Variants in TTF2 observed in about 807,000 individuals in gnomAD.
The protein encoded by TTF2 is RNA polymerase II termination factor.
In TTF2, 108 loss-of-function variants were observed where a neutral mutation model predicts 142.4. That is an observed-to-expected ratio of 0.76 (90% CI 0.65 to 0.89). The LOEUF is 0.89. Among genes scored for constraint, TTF2 ranks in the 40% least tolerant of loss-of-function variants. The pLI, the probability that TTF2 is intolerant of heterozygous loss-of-function variation, is 0.00. For missense variants in TTF2, 1,327 were observed against 1,379.8 expected (o/e 0.96, Z 0.61); for synonymous variants, 483 against 506.2 (o/e 0.95, Z 0.61).
At chr1:117,066,611 C>T (rs563793435) in intron 3 of TTF2, among the ~76,000 whole-genome samples, 4 of 150,544 alleles carry the variant, frequency 2.7e-5, no homozygotes, top group South Asian at 2.1e-4. Flanking sequence ...AATGTGTTTA[C>T]GTTAAGCAGG....
In TTF2 at chr1:117,095,344, A is replaced by C; in HGVS notation, c.3012A>C (p.Gln1004His). 6.2e-7 allele frequency: 1 copy of C among 1,614,164 alleles called. No homozygotes were observed. The change falls in exon 19 of 23, where the codon CAA becomes CAC. Residue 1004 changes from glutamine (Q) to histidine (H), a missense_variant. Physicochemically the swap from Gln to His is conservative, Grantham distance 24. Transcript: ENST00000369466. ...TGTTGGCAGAATTGGAGGCAATTCA[A>C]AGAAATTCAGCATCCCAAAAGAGGT... ...SSLLAELEAIQRNSASQKSVI... is the reference protein window; with the variant it reads ...SSLLAELEAIHRNSASQKSVI...
intron 22 of TTF2, 51 bp downstream of exon 22, chr1:117,098,958 A>C: frequency 6.6e-7 from 1 of 1,512,498 alleles, no homozygotes. Flanking sequence ...GTACTTTGTG[A>C]AAGTCTTTCT....
Position 117,090,226 on chromosome 1 carries a change from T to C in TTF2, c.2496+18T>C, listed in dbSNP as rs576922134. ...GACCTTTGGTAATCAAGTTTGTACC[T>C]GTCCCTGGGGGAGGCCAGGGAAGGA... On this transcript the variant is annotated intron_variant, in intron 14 of 22. Coordinates refer to ENST00000369466, the MANE Select transcript of TTF2 (RefSeq NM_003594.4). This position sits in a 1 kb window ranked among gnomAD's most constrained non-coding sequence, Gnocchi z 4.8. The C allele has an allele frequency of 6.8e-6, 11 of 1,611,872 alleles. No homozygotes were observed. The East Asian group carries it at 1.6e-4, about 23-fold the overall frequency.
rs1347405678 is a variant in TTF2 at position 117,106,872 on chromosome 1, G to C, written c.*5348G>C. 2.0e-5 allele frequency: 3 copies of C among 152,202 alleles called. No homozygotes were observed. Among genetic ancestry groups the C allele is most frequent in the Admixed American group, 6.5e-5 (1 of 15,270 alleles). The allele number at this position is 152,202 out of a possible 1,614,324, so 9.4% of individuals were successfully genotyped here. On this transcript the variant is annotated 3_prime_UTR_variant, in exon 23 of 23. Transcript: ENST00000369466. Reference sequence around the variant, plus strand: ...TCTGGAGGAAAGTTGAGCAACTATTGCATTTGGGACATTAGAGTATGGGTG... The same window carrying C: ...TCTGGAGGAAAGTTGAGCAACTATTCCATTTGGGACATTAGAGTATGGGTG...
intron 3 of TTF2, among the ~76,000 whole-genome samples, chr1:117,067,414 C>T (rs1200255387): frequency 6.6e-6 from 1 of 151,020 alleles, no homozygotes; most frequent in African/African-American, 2.4e-5. Flanking sequence ...CCTGTAATCC[C>T]AGCTACTCAG....
chr1:117,078,887 A>C (rs1394301395), intron 8 of TTF2, among the ~76,000 whole-genome samples: 1 of 152,178 alleles, frequency 6.6e-6, no homozygotes, highest in Non-Finnish European at 1.5e-5. Flanking sequence ...TTAAGAGATA[A>C]TGAGGAAATA....
At chr1:117,094,519 A>C (rs1211252695) in intron 18 of TTF2, 1 of 453,728 alleles carries the variant, frequency 2.2e-6, no homozygotes, top group Non-Finnish European at 4.5e-6. Context: ...GTTCTTGGGG[A>C]ATACCCAGGG....
Position 117,097,403 on chromosome 1 carries a change from G to A in TTF2, c.3239G>A (p.Gly1080Glu). The A allele has an allele frequency of 1.9e-6, 3 of 1,614,124 alleles. No homozygotes were observed. The highest frequency in any genetic ancestry group is 1.3e-5 in the African/African-American group (1 of 75,028). Reference protein sequence around the residue: ...AGGVGLNLTGGNHLFLLDMHW... With the variant: ...AGGVGLNLTGENHLFLLDMHW... ...GGTGTTGGTCTAAACCTGACTGGAG[G>A]AAATCACCTCTTTCTTTTGGACATG... Residue 1080 changes from glycine (G) to glutamate (E), a missense_variant, in exon 21 of 23, where the codon GGA becomes GAA. Physicochemically the swap from Gly to Glu is moderately conservative, Grantham distance 98 (BLOSUM62 -2). Transcript: ENST00000369466. This position sits in a 1 kb window ranked among gnomAD's most constrained non-coding sequence, Gnocchi z 4.1.
At position 117,079,348 on chromosome 1, in the gene TTF2, G is replaced by A. The variant is rs1471029937; in HGVS notation, c.1702-220G>A. On this transcript the variant is annotated intron_variant, in intron 8 of 22. Transcript: ENST00000369466. The surrounding 1 kb of genome is among the most constrained non-coding windows in gnomAD (Gnocchi z 4.2). ...AGGGGGGACTCTTAATAGAAATGCT[G>A]AACATTAGATGCAACCCAAAACAAA... Among the ~76,000 whole-genome samples, 1 of 152,186 alleles carries A rather than the reference G, an allele frequency of 6.6e-6. No individual in the cohort carries two copies. The highest frequency in any genetic ancestry group is 1.9e-4 in the East Asian group (1 of 5,198).
Position 117,079,703 on chromosome 1 carries a change from A to G in TTF2, c.1783+54A>G. 6.6e-7 allele frequency: 1 copy of G among 1,520,564 alleles called. No individual in the cohort carries two copies. The highest frequency in any genetic ancestry group is 1.1e-5 in the South Asian group (1 of 89,290). 94.2% of individuals were successfully genotyped at this position (1,520,564 alleles called of 1,614,324 possible). On this transcript the variant is annotated intron_variant, in intron 9 of 22. Coordinates refer to ENST00000369466, the MANE Select transcript of TTF2 (RefSeq NM_003594.4). The surrounding 1 kb of genome is among the most constrained non-coding windows in gnomAD (Gnocchi z 4.2). ...TTATTGAATGCTTAGGCATTGTGCTAAACACGTAGTGTTGTTTCATTTATT... is the reference window on the plus strand; with the variant it reads ...TTATTGAATGCTTAGGCATTGTGCTGAACACGTAGTGTTGTTTCATTTATT...
intron 8 of TTF2, 139 bp downstream of exon 8, chr1:117,078,182 T>C: frequency 1.8e-6 from 2 of 1,120,220 alleles, no homozygotes; most frequent in South Asian, 1.6e-5. Flanking sequence ...CATCCTCTCC[T>C]TTTATGCTTA....
At chr1:117,082,141 A>G (rs1349988490) in intron 10 of TTF2, 194 bp downstream of exon 10, 1 of 834,352 alleles carries the variant, frequency 1.2e-6, no homozygotes, top group Non-Finnish European at 1.8e-6. Flanking sequence ...TTTTTTCCGT[A>G]TAAATTTGCC....
chr1:117,075,509 C>A lies in TTF2; in HGVS notation c.925C>A (p.Pro309Thr). ...PSIQATQKSL[P>T]QGHFQERPET... ...CATACAGGCCACCCAGAAAAGCCTGCCTCAGGGGCATTTCCAAGAGCGGCC... is the reference window on the plus strand; with the variant it reads ...CATACAGGCCACCCAGAAAAGCCTGACTCAGGGGCATTTCCAAGAGCGGCC... Residue 309 changes from proline (P) to threonine (T), a missense_variant, in exon 5 of 23, where the codon CCT becomes ACT. By Grantham distance (38) the Pro-to-Thr change is conservative. Coordinates refer to ENST00000369466, the MANE Select transcript of TTF2 (RefSeq NM_003594.4). The surrounding 1 kb of genome is among the most constrained non-coding windows in gnomAD (Gnocchi z 4.5). 6.2e-7 allele frequency: 1 copy of A among 1,614,156 alleles called. No individual in the cohort carries two copies. The highest frequency in any genetic ancestry group is 8.5e-7 in the Non-Finnish European group (1 of 1,180,008).
At chr1:117,094,727 A>G in intron 18 of TTF2, 4 of 448,306 alleles carry the variant, frequency 8.9e-6, no homozygotes, top group South Asian at 1.7e-5. Flanking sequence ...TACTTTCCTA[A>G]TATTTGCCTC....
In TTF2 at chr1:117,075,457, A is replaced by C. The variant is rs1175079677; in HGVS notation, c.873A>C (p.Lys291Asn). ...AGGAGTACACGAACTGGGAGGCTAA[A>C]GAAACAAAGGCAAAGGATGGCCCTA... ...LNKEYTNWEAKETKAKDGPSI... is the reference protein window; with the variant it reads ...LNKEYTNWEANETKAKDGPSI... The change falls in exon 5 of 23, where the codon AAA becomes AAC. Residue 291 changes from lysine (K) to asparagine (N), a missense_variant. Lys to Asn is a moderately conservative substitution (Grantham distance 94). Transcript: ENST00000369466. The surrounding 1 kb of genome is among the most constrained non-coding windows in gnomAD (Gnocchi z 4.5). 1 of 1,614,152 alleles carries C rather than the reference A, an allele frequency of 6.2e-7. No individual in the cohort carries two copies. Among genetic ancestry groups the C allele is most frequent in the East Asian group, 2.2e-5 (1 of 44,878 alleles).
intron 11 of TTF2, 97 bp downstream of exon 11, chr1:117,084,265 A>G: frequency 6.8e-7 from 1 of 1,476,468 alleles, no homozygotes; most frequent in East Asian, 2.3e-5. Context: ...CTTAATCAGG[A>G]CGCGTATTTG....
At position 117,103,660 on chromosome 1, in the gene TTF2, C is replaced by A. The variant is rs115384957; in HGVS notation, c.*2136C>A. ...AGGTTCATCTTAGCTGGGTGTGTAA[C>A]GTTGAAAAAATTGGCCGGGTGCAGT... On this transcript the variant is annotated 3_prime_UTR_variant, in exon 23 of 23. Transcript: ENST00000369466. The A allele has an allele frequency of 2.0e-5, 3 of 152,046 alleles. No homozygotes were observed. The highest frequency in any genetic ancestry group is 4.8e-5 in the African/African-American group (2 of 41,416). The allele number at this position is 152,046 out of a possible 1,614,324, so 9.4% of individuals were successfully genotyped here.
In TTF2 at chr1:117,087,558, G is replaced by C. The variant is rs767196185; in HGVS notation, c.2160+1036G>C. Among the ~76,000 whole-genome samples the C allele has an allele frequency of 2.6e-5, 4 of 152,184 alleles. No homozygotes were observed. The highest frequency in any genetic ancestry group is 5.9e-5 in the Non-Finnish European group (4 of 68,036). ...TCCACCCGCCTCGGCCTCCCAAAGT[G>C]CTGGGATTATAGGCATGAGCCACCA... On this transcript the variant is annotated intron_variant, in intron 12 of 22. Coordinates refer to ENST00000369466, the MANE Select transcript of TTF2 (RefSeq NM_003594.4). This position sits in a 1 kb window ranked among gnomAD's most constrained non-coding sequence, Gnocchi z 4.8.
At chr1:117,098,555 A>C in intron 21 of TTF2, 1 of 283,256 alleles carries the variant, frequency 3.5e-6, no homozygotes, top group Admixed American at 5.0e-5. Flanking sequence ...GAAACTAGGC[A>C]AGAAGGTATC....
Sources: allele counts gnomAD v4.1 joint callset (sites outside exome capture counted in the v4.1 genomes callset), GRCh38; gene constraint gnomAD v4.1.1; non-coding constraint Gnocchi (gnomAD v3.1); transcripts MANE v1.5; gene names NCBI Gene and HGNC (gene_info 2026-07-23, HGNC 2026-07-21).